CACUL1: variants seen among roughly 807,000 people sequenced by gnomAD.
CACUL1 encodes CDK2 associated cullin domain 1, also known as CDK2-associated and cullin domain-containing protein 1.
CACUL1 carries 13 observed loss-of-function variants against 45.2 expected under a neutral mutation model. The observed-to-expected ratio is 0.29, with a 90% confidence interval of 0.19 to 0.46. CACUL1 has a LOEUF of 0.46. CACUL1 is among the 20% of genes least tolerant of loss of function. The pLI is 1.00. For synonymous variants in CACUL1, 197 were observed against 174.2 expected, an observed-to-expected ratio of 1.13 and a Z score of -1.03; for missense variants, 421 against 471.4, an observed-to-expected ratio of 0.89 and a Z score of 0.99.
At chr10:118,746,151 C>CAAAAAAAAAAA (rs376453440) in intron 1 of CACUL1, among the ~76,000 whole-genome samples, 7,643 of 89,280 alleles carry the variant, frequency 0.086, 283 homozygotes, top group Admixed American at 0.11. Context: ...GACACTGTCT[C>CAAAAAAAAAAA]AAAAAAAAAA....
In CACUL1 at chr10:118,684,585, A is replaced by T. The variant is rs1845186473; in HGVS notation, c.*1543T>A. On this transcript the variant is annotated 3_prime_UTR_variant, in exon 9 of 9. Coordinates refer to ENST00000369151, the MANE Select transcript of CACUL1 (RefSeq NM_153810.5). ...TTAAAAAATAAATCTGACAACCTTT[A>T]TCTTTACTTCTCTGTATAACAGTTT... 6.6e-6 allele frequency: 1 copy of T among 152,224 alleles called. No homozygotes were observed. The highest frequency in any genetic ancestry group is 1.5e-5 in the Non-Finnish European group (1 of 68,046). The allele number at this position is 152,224 out of a possible 1,614,324, so 9.4% of individuals were successfully genotyped here.
At chr10:118,694,761 C>T (rs1296579515) in intron 6 of CACUL1, among the ~76,000 whole-genome samples, 10 of 152,196 alleles carry the variant, frequency 6.6e-5, no homozygotes, top group African/African-American at 2.4e-4. Flanking sequence ...CTTCTAGATT[C>T]TTCGCAAGTT....
chr10:118,682,785 G>A lies in CACUL1; in HGVS notation c.*3343C>T, dbSNP rs566961096. The A allele has an allele frequency of 6.5e-6, 1 of 152,772 alleles. No individual in the cohort carries two copies. The highest frequency in any genetic ancestry group is 6.5e-5 in the Admixed American group (1 of 15,310). 9.5% of individuals were successfully genotyped at this position (152,772 alleles called of 1,614,324 possible). A position where few individuals can be genotyped will look rare whatever the true frequency, so the allele number is the denominator to read the frequency against. ...AGCACTGGAGATGGATGTGCAGTGT[G>A]CAGTGTTCACAGCCATGGACATCCA... On this transcript the variant is annotated 3_prime_UTR_variant, in exon 9 of 9. Coordinates refer to ENST00000369151, the MANE Select transcript of CACUL1 (RefSeq NM_153810.5).
chr10:118,739,195 A>T lies in CACUL1; in HGVS notation c.368-8785T>A, dbSNP rs576178520. 8.1e-3 allele frequency among the ~76,000 whole-genome samples: 802 copies of T among 99,486 alleles called. 6 individuals are homozygous for T. Among genetic ancestry groups the T allele is most frequent in the African/African-American group, 0.034 (724 of 21,564 alleles). The allele number at this position is 99,486 out of a possible 152,430, so 65.3% of individuals were successfully genotyped here. A position where few individuals can be genotyped will look rare whatever the true frequency, so the allele number is the denominator to read the frequency against. On this transcript the variant is annotated intron_variant, in intron 1 of 8. Transcript: ENST00000369151. ...TGGGTGACAGAGACTCCTCCGTCTCAAAAAAAAAAAAAGGTCAGTGTTAAA... is the reference window on the plus strand; with the variant it reads ...TGGGTGACAGAGACTCCTCCGTCTCTAAAAAAAAAAAAGGTCAGTGTTAAA...
intron 3 of CACUL1, among the ~76,000 whole-genome samples, chr10:118,715,114 G>A (rs558237217): frequency 6.6e-6 from 1 of 152,256 alleles, no homozygotes; most frequent in Admixed American, 6.5e-5. Context: ...ATTAAAAAAG[G>A]TAGAACTAGA....
intron 2 of CACUL1, among the ~76,000 whole-genome samples, chr10:118,729,604 C>T (rs930881925): frequency 2.0e-5 from 3 of 152,164 alleles, no homozygotes; most frequent in Admixed American, 6.5e-5. Flanking sequence ...TATAAATATG[C>T]CCTTCTAAGT....
chr10:118,705,088 CTTAT>C (rs1384984799), intron 4 of CACUL1, among the ~76,000 whole-genome samples: 1 of 152,118 alleles, frequency 6.6e-6, no homozygotes, highest in Non-Finnish European at 1.5e-5. Context: ...GAAGTTCATT[CTTAT>C]TTATCTTTTA....
intron 3 of CACUL1, among the ~76,000 whole-genome samples, chr10:118,727,844 G>A (rs894995561): frequency 2.0e-5 from 3 of 152,174 alleles, no homozygotes; most frequent in African/African-American, 4.8e-5. Context: ...AGTCCACAGC[G>A]AGACCCGAAG....
rs141578355 is a variant in CACUL1 at position 118,716,415 on chromosome 10, A to T, written c.598-8828T>A. 7.9e-5 allele frequency among the ~76,000 whole-genome samples: 12 copies of T among 151,812 alleles called. 1 individual carries two copies. The highest frequency in any genetic ancestry group is 7.9e-4 in the Admixed American group (12 of 15,236). On this transcript the variant is annotated intron_variant, in intron 3 of 8. Coordinates refer to ENST00000369151, the MANE Select transcript of CACUL1 (RefSeq NM_153810.5). ...GATCGTCACCATCTCTCCCAGGTCA[A>T]ATTTCTTTCTATAACCTAATTTTAA... is the stretch of plus-strand genomic sequence containing the variant.
rs1232106733 is a variant in CACUL1, at chr10:118,677,478, TCTC to T, written c.*8647_*8649del. Reference sequence around the variant, plus strand: ...TCCAAGTCCCCGTTCTCCCCTCTGTTCTCATTCCCCTCCACCACCCTCTCCTGA... The same window carrying T: ...TCCAAGTCCCCGTTCTCCCCTCTGTTATTCCCCTCCACCACCCTCTCCTGA... On this transcript the variant is annotated 3_prime_UTR_variant, in exon 9 of 9. Transcript: ENST00000369151. 1 of 152,198 alleles carries T rather than the reference TCTC, an allele frequency of 6.6e-6. No homozygotes were observed. Among genetic ancestry groups the T allele is most frequent in the East Asian group, 1.9e-4 (1 of 5,198 alleles). The allele number at this position is 152,198 out of a possible 1,614,324, so 9.4% of individuals were successfully genotyped here. A position where few individuals can be genotyped will look rare whatever the true frequency, so the allele number is the denominator to read the frequency against.
intron 1 of CACUL1, among the ~76,000 whole-genome samples, chr10:118,732,135 T>C (rs1388321355): frequency 1.3e-5 from 2 of 152,212 alleles, no homozygotes; most frequent in African/African-American, 4.8e-5. Flanking sequence ...TTAGGTTTTA[T>C]ATGGATCATT....
intron 1 of CACUL1, among the ~76,000 whole-genome samples, chr10:118,745,060 T>C (rs1845828180): frequency 1.3e-5 from 2 of 151,714 alleles, no homozygotes; most frequent in Non-Finnish European, 3.0e-5. Context: ...AACAATAGCA[T>C]AAAGGACAAT....
chr10:118,710,334 G>A (rs373436027), intron 3 of CACUL1, among the ~76,000 whole-genome samples: 379 of 152,244 alleles, frequency 2.5e-3, no homozygotes, highest in African/African-American at 8.4e-3. Flanking sequence ...GTTCTACAGT[G>A]AATAAACCCA....
chr10:118,715,726 G>A (rs551517141), intron 3 of CACUL1, among the ~76,000 whole-genome samples: 9 of 152,074 alleles, frequency 5.9e-5, no homozygotes, highest in East Asian at 1.9e-4. Flanking sequence ...CCAGCCAACC[G>A]AAATGAAACA....
rs1200341997 is a variant in CACUL1, at chr10:118,679,021, T to C, written c.*7107A>G. On this transcript the variant is annotated 3_prime_UTR_variant, in exon 9 of 9. Coordinates refer to ENST00000369151, the MANE Select transcript of CACUL1 (RefSeq NM_153810.5). ...GTAGTGTGTTCATTTTTCCTTTTTG[T>C]AGTTTTCTTTTAACTTTTTAAATAT... The C allele has an allele frequency of 2.0e-5, 3 of 152,202 alleles. No homozygotes were observed. Among genetic ancestry groups the C allele is most frequent in the Non-Finnish European group, 2.9e-5 (2 of 68,030 alleles). 9.4% of individuals were successfully genotyped at this position (152,202 alleles called of 1,614,324 possible).
chr10:118,686,058 G>A lies in CACUL1; in HGVS notation c.*70C>T. On this transcript the variant is annotated 3_prime_UTR_variant, in exon 9 of 9. Coordinates refer to ENST00000369151, the MANE Select transcript of CACUL1 (RefSeq NM_153810.5). The stretch of plus-strand genomic sequence containing the variant: ...CCTGAGTGTGTGCAGCCCCCACTGT[G>A]CTCTGAATACAGTCTCTGCAGCTCC... 8.4e-7 allele frequency: 1 copy of A among 1,184,658 alleles called. No homozygotes were observed. Among genetic ancestry groups the A allele is most frequent in the Admixed American group, 1.7e-5 (1 of 58,628 alleles). The allele number at this position is 1,184,658 out of a possible 1,614,324, so 73.4% of individuals were successfully genotyped here.
At chr10:118,751,236 A>G (rs753651270) in intron 1 of CACUL1, among the ~76,000 whole-genome samples, 3 of 152,156 alleles carry the variant, frequency 2.0e-5, no homozygotes, top group Non-Finnish European at 4.4e-5. Context: ...TCTTTTGCCA[A>G]ATGAATAATT....
intron 3 of CACUL1, 27 bp downstream of exon 3, chr10:118,729,268 C>CA (rs1455959478): frequency 6.4e-7 from 1 of 1,561,288 alleles, no homozygotes; most frequent in East Asian, 2.2e-5. Flanking sequence ...CCCAAGGAAG[C>CA]AAAAATCAAT....
chr10:118,700,793 A>G (rs1375435003), intron 5 of CACUL1, among the ~76,000 whole-genome samples: 1 of 152,138 alleles, frequency 6.6e-6, no homozygotes, highest in African/African-American at 2.4e-5. Flanking sequence ...ACACAGGCAC[A>G]TGAAATATTT....
Sources: allele counts gnomAD v4.1 joint callset (sites outside exome capture counted in the v4.1 genomes callset), GRCh38; gene constraint gnomAD v4.1.1; transcripts MANE v1.5; gene names NCBI Gene and HGNC (gene_info 2026-07-23, HGNC 2026-07-21).